WDFY3: variants seen among roughly 807,000 people sequenced by gnomAD.
The protein encoded by WDFY3 is WD repeat and FYVE domain-containing protein 3.
In WDFY3, 66 loss-of-function variants were observed where a neutral mutation model predicts 409.6. The ratio of observed to expected loss-of-function variants is 0.16; its 90% confidence interval spans 0.13 to 0.20. The LOEUF (loss-of-function observed/expected upper bound fraction) is 0.20. WDFY3 is among the 10% of genes least tolerant of loss of function. WDFY3 has a pLI of 1.00. For synonymous variants in WDFY3, 1,521 were observed against 1,537.1 expected (o/e 0.99, Z 0.25); for missense variants, 3,031 against 4,298.1 (o/e 0.71, Z 8.24).
At position 84,839,220 on chromosome 4, in the gene WDFY3, ATTAC is replaced by A. The variant is rs1032443735; in HGVS notation, c.414+1930_414+1933del. 6.6e-5 allele frequency among the ~76,000 whole-genome samples: 10 copies of A among 152,098 alleles called. No homozygotes were observed. The South Asian group carries it at 1.7e-3, about 25-fold the overall frequency. On this transcript the variant is annotated intron_variant, in intron 6 of 67. Coordinates refer to ENST00000295888, the MANE Select transcript of WDFY3 (RefSeq NM_014991.6). ...GTAGAAAACTGTATTAAAAGTTAATATTACTTATATTAAATATCAATAGTAAATA... is the reference window on the plus strand; with the variant it reads ...GTAGAAAACTGTATTAAAAGTTAATATTATATTAAATATCAATAGTAAATA...
intron 13 of WDFY3, among the ~76,000 whole-genome samples, chr4:84,811,657 T>C (rs1752515394): frequency 6.6e-6 from 1 of 152,188 alleles, no homozygotes; most frequent in Admixed American, 6.5e-5. Context: ...TGTAGCACAA[T>C]GGGTATCTAC....
rs540362035 is a variant in WDFY3, at chr4:84,696,676, T to G, written c.8688+56A>C. 13 of 1,561,064 alleles carry G rather than the reference T, an allele frequency of 8.3e-6. No homozygotes were observed. In the East Asian group the frequency reaches 2.9e-4, roughly 35 times the overall value. On this transcript the variant is annotated intron_variant, in intron 57 of 67. Transcript: ENST00000295888. ...TCTGGCTAGAGGCCCTGTCTTTGTA[T>G]TATGTTCAATGACCAAATGAAATTC...
intron 36 of WDFY3, among the ~76,000 whole-genome samples, chr4:84,746,694 A>G (rs1281453749): frequency 2.6e-5 from 4 of 151,798 alleles, no homozygotes; most frequent in Non-Finnish European, 5.9e-5. Context: ...TTATGAAAGC[A>G]TGCATTATTG....
chr4:84,774,671 T>A, intron 29 of WDFY3, 149 bp downstream of exon 29: 1 of 850,976 alleles, frequency 1.2e-6, no homozygotes, highest in South Asian at 2.3e-5. Flanking sequence ...CTCATTCATG[T>A]TTTCCATGCG....
intron 3 of WDFY3, among the ~76,000 whole-genome samples, chr4:84,884,582 T>C (rs753825666): frequency 1.3e-5 from 2 of 152,214 alleles, no homozygotes; most frequent in Non-Finnish European, 2.9e-5. Context: ...TCATAATGGT[T>C]ACTAGTTAAA....
At chr4:84,747,453 T>G (rs1739667847) in intron 36 of WDFY3, among the ~76,000 whole-genome samples, 1 of 152,190 alleles carries the variant, frequency 6.6e-6, no homozygotes, top group Admixed American at 6.5e-5. Context: ...CTTGTTTCCC[T>G]GTAGTTCCTC....
chr4:84,864,210 T>C (rs1215508537), intron 3 of WDFY3, among the ~76,000 whole-genome samples: 1 of 151,480 alleles, frequency 6.6e-6, no homozygotes, highest in Non-Finnish European at 1.5e-5. Context: ...CTACTAAAAA[T>C]ACAAAAAATT....
intron 3 of WDFY3, among the ~76,000 whole-genome samples, chr4:84,892,892 A>G (rs1401937339): frequency 6.6e-6 from 1 of 152,238 alleles, no homozygotes; most frequent in African/African-American, 2.4e-5. Flanking sequence ...ATAGTCAAGG[A>G]ATGTTTCTCT....
At chr4:84,723,328 A>G (rs762283843) in intron 46 of WDFY3, among the ~76,000 whole-genome samples, 1 of 152,248 alleles carries the variant, frequency 6.6e-6, no homozygotes, top group Non-Finnish European at 1.5e-5. Flanking sequence ...CACAATCTCA[A>G]TAGTGTTTTT....
At chr4:84,757,248 T>C in intron 32 of WDFY3, 87 bp from the exon 33 acceptor site, 1 of 1,200,878 alleles carries the variant, frequency 8.3e-7, no homozygotes, top group East Asian at 2.4e-5. Flanking sequence ...ATTCAGTATG[T>C]GTTAACATTT....
At chr4:84,955,271 G>C (rs553517966) in intron 1 of WDFY3, among the ~76,000 whole-genome samples, 23 of 151,506 alleles carry the variant, frequency 1.5e-4, no homozygotes, top group African/African-American at 5.6e-4. Flanking sequence ...AAATAAAGAA[G>C]AACAGTAAAG....
intron 34 of WDFY3, 27 bp downstream of exon 34, chr4:84,755,239 T>C (rs1741235893): frequency 1.9e-6 from 3 of 1,601,160 alleles, no homozygotes; most frequent in South Asian, 1.1e-5. Context: ...GAATTCTCAA[T>C]AGGCCTGGGC....
chr4:84,796,489 C>A, intron 19 of WDFY3, 32 bp downstream of exon 19: 1 of 1,439,654 alleles, frequency 6.9e-7, no homozygotes, highest in South Asian at 1.5e-5. Flanking sequence ...CGCATAAAAC[C>A]ATAAAGGTTG....
intron 58 of WDFY3, among the ~76,000 whole-genome samples, chr4:84,693,844 G>A (rs1039098358): frequency 6.0e-5 from 9 of 150,118 alleles, no homozygotes; most frequent in Non-Finnish European, 1.0e-4. Context: ...GCAGTGAGCC[G>A]AGATTGCGCC....
At chr4:84,930,651 A>G (rs868206796) in intron 2 of WDFY3, among the ~76,000 whole-genome samples, 35 of 152,318 alleles carry the variant, frequency 2.3e-4, no homozygotes, top group African/African-American at 8.4e-4. Context: ...TCAAATGAAA[A>G]AAGTTTCCTT....
At position 84,755,248 on chromosome 4, in the gene WDFY3, GC is replaced by G. The variant is rs1471644282; in HGVS notation, c.5559+17del. 1 of 1,609,416 alleles carries G rather than the reference GC, an allele frequency of 6.2e-7. No individual in the cohort carries two copies. Among genetic ancestry groups the G allele is most frequent in the Admixed American group, 1.7e-5 (1 of 58,624 alleles). On this transcript the variant is annotated intron_variant, in intron 34 of 67. Coordinates refer to ENST00000295888, the MANE Select transcript of WDFY3 (RefSeq NM_014991.6). ...CAGGAGGAATTCTCAATAGGCCTGG[GC>G]ATTTGAGTGAACTTACTGAAGTCAG...
At chr4:84,894,779 C>T (rs1374669367) in intron 3 of WDFY3, among the ~76,000 whole-genome samples, 2 of 148,624 alleles carry the variant, frequency 1.3e-5, no homozygotes, top group African/African-American at 5.0e-5. Context: ...AAGCGAGACT[C>T]AGTCTGAAAA....
At position 84,780,141 on chromosome 4, in the gene WDFY3, G is replaced by C. The variant is rs780388534; in HGVS notation, c.4332C>G (p.Ala1444=). 1.2e-6 allele frequency: 2 copies of C among 1,609,704 alleles called. No individual in the cohort carries two copies. The highest frequency in any genetic ancestry group is 3.4e-5 in the Admixed American group (2 of 59,320). ...CCTTGATTCTTTCCATTTCTTTGCT[G>C]GCTAGTGGGTTACTCTTGACCACAC... The part of the protein sequence containing the change: ...LVCVVKSNPL[A]SKEMERIKGY... Residue 1444 remains alanine, a synonymous_variant, in exon 26 of 68, where the codon GCC becomes GCG. Transcript: ENST00000295888.
chr4:84,914,363 G>A (rs576684642), intron 2 of WDFY3, among the ~76,000 whole-genome samples: 20 of 152,248 alleles, frequency 1.3e-4, no homozygotes, highest in Non-Finnish European at 2.5e-4. Context: ...GCAGTGGTCC[G>A]AGATAGCGCC....
Sources: gnomAD v4.1 joint callset for allele counts (sites outside exome capture counted in the v4.1 genomes callset) on GRCh38, gnomAD v4.1.1 for gene constraint, MANE v1.5 for transcripts, NCBI Gene and HGNC (gene_info 2026-07-23, HGNC 2026-07-21) for gene names.